The following HHIP variants were observed in gnomAD, a reference collection of about 807,000 sequenced individuals.
The protein encoded by HHIP is hedgehog-interacting protein.
A neutral mutation model predicts 74.0 loss-of-function variants in HHIP; 12 were observed. That is an observed-to-expected ratio of 0.16 (90% CI 0.10 to 0.26). HHIP has a LOEUF of 0.26. Ranked by LOEUF, HHIP falls within the 10% of genes least tolerant of loss-of-function variation. The probability of loss-of-function intolerance (pLI) is 1.00; values close to 1 mark genes in which losing one functional copy is unlikely to be tolerated. For missense variants in HHIP, 788 were observed against 845.0 expected, an observed-to-expected ratio of 0.93 and a Z score of 0.84; for synonymous variants, 309 against 311.6, an observed-to-expected ratio of 0.99 and a Z score of 0.09.
intron 2 of HHIP, among the ~76,000 whole-genome samples, chr4:144,654,323 A>G (rs754573127): frequency 6.6e-6 from 1 of 152,174 alleles, no homozygotes; most frequent in African/African-American, 2.4e-5. Flanking sequence ...TTTTTCTACA[A>G]AGTTTGTATA....
rs1293814234 is a variant in HHIP at position 144,739,494 on chromosome 4, A to G, written c.*1537A>G. The G allele has an allele frequency of 2.0e-5, 3 of 152,212 alleles. No homozygotes were observed. Among genetic ancestry groups the G allele is most frequent in the Admixed American group, 6.5e-5 (1 of 15,278 alleles). 9.4% of individuals were successfully genotyped at this position (152,212 alleles called of 1,614,324 possible). A position where few individuals can be genotyped will look rare whatever the true frequency, so the allele number is the denominator to read the frequency against. On this transcript the variant is annotated 3_prime_UTR_variant, in exon 13 of 13. Coordinates refer to ENST00000296575, the MANE Select transcript of HHIP (RefSeq NM_022475.3). ...GAATACAAGCCTCAATTTAAAAAAT[A>G]TATTGTAGCTAGTATTTCTCTATTG...
chr4:144,715,600 T>G, intron 10 of HHIP, 170 bp downstream of exon 10: 7 of 444,358 alleles, frequency 1.6e-5, no homozygotes, highest in Non-Finnish European at 2.6e-5. Context: ...ACATATTCTC[T>G]ACCAGTAACT....
In HHIP at chr4:144,659,771, C is replaced by G. The variant is rs200791041; in HGVS notation, c.764C>G (p.Thr255Ser). Residue 255 changes from threonine (T) to serine (S), a missense_variant, in exon 4 of 13, where the codon ACC becomes AGC. Around this residue, in one of 3 missense-constraint regions of HHIP, gnomAD observed 373 missense variants for 366.4 expected, o/e 1.02. Transcript: ENST00000296575. Reference sequence around the variant, plus strand: ...AAAGAAGGTTATGTGAAGATACTTACCCCTGAAGGAGAAATTTTCAAGGAG... The same window carrying G: ...AAAGAAGGTTATGTGAAGATACTTAGCCCTGAAGGAGAAATTTTCAAGGAG... ...LEKEGYVKIL[T>S]PEGEIFKEPY... 2 of 1,612,814 alleles carry G rather than the reference C, an allele frequency of 1.2e-6. No individual in the cohort carries two copies. The highest frequency in any genetic ancestry group is 2.2e-5 in the South Asian group (2 of 90,686).
intron 4 of HHIP, among the ~76,000 whole-genome samples, chr4:144,680,004 TA>T (rs1165102000): frequency 6.6e-6 from 1 of 152,202 alleles, no homozygotes; most frequent in Admixed American, 6.5e-5. Context: ...GATTTTAAAT[TA>T]GTCATTTGTT....
chr4:144,661,760 A>G (rs1728719813), intron 4 of HHIP, among the ~76,000 whole-genome samples: 1 of 152,208 alleles, frequency 6.6e-6, no homozygotes, highest in African/African-American at 2.4e-5. Context: ...TGGCTTCTTT[A>G]ATATATGAAA....
At chr4:144,711,862 A>G (rs1295590869) in intron 7 of HHIP, 88 bp from the exon 8 acceptor site, 3 of 1,345,910 alleles carry the variant, frequency 2.2e-6, no homozygotes, top group East Asian at 2.3e-5. Flanking sequence ...CCAGTCCACA[A>G]AGGGCTCCTT....
chr4:144,672,167 GC>G (rs1387964721), intron 4 of HHIP, among the ~76,000 whole-genome samples: 1 of 152,204 alleles, frequency 6.6e-6, no homozygotes, highest in East Asian at 1.9e-4. Context: ...GACATACTTT[GC>G]TTTATTTTGA....
intron 2 of HHIP, 51 bp from the exon 3 acceptor site, chr4:144,658,739 T>C: frequency 6.8e-7 from 1 of 1,468,074 alleles, no homozygotes; most frequent in South Asian, 1.3e-5. Context: ...AATAAGGTGG[T>C]TTTACTATGA....
At chr4:144,705,769 T>C (rs1730116685) in intron 4 of HHIP, among the ~76,000 whole-genome samples, 1 of 152,224 alleles carries the variant, frequency 6.6e-6, no homozygotes, top group African/African-American at 2.4e-5. Context: ...TTGACATTCA[T>C]ATAATAACAC....
chr4:144,742,653 T>G lies in HHIP; in HGVS notation c.*4696T>G, dbSNP rs1731285700. On this transcript the variant is annotated 3_prime_UTR_variant, in exon 13 of 13. Transcript: ENST00000296575. ...GACCAAAGTCCCATGGCAGAAAATG[T>G]ACATATTTTTAAACTACTCCCAGGA... 6.6e-6 allele frequency: 1 copy of G among 151,570 alleles called. No individual in the cohort carries two copies. The highest frequency in any genetic ancestry group is 1.5e-5 in the Non-Finnish European group (1 of 67,876). The allele number at this position is 151,570 out of a possible 1,614,324, so 9.4% of individuals were successfully genotyped here.
chr4:144,711,614 GA>G (rs1730307532), intron 7 of HHIP, among the ~76,000 whole-genome samples: 1 of 152,048 alleles, frequency 6.6e-6, no homozygotes, highest in South Asian at 2.1e-4. Flanking sequence ...CCTGGATGGT[GA>G]CACCGATTCT....
chr4:144,709,581 A>C (rs1730233260), intron 7 of HHIP, among the ~76,000 whole-genome samples: 1 of 152,170 alleles, frequency 6.6e-6, no homozygotes, highest in Non-Finnish European at 1.5e-5. Context: ...CCTCCCTCCA[A>C]AAGTATTCTA....
intron 3 of HHIP, 107 bp downstream of exon 3, chr4:144,659,053 C>A: frequency 1.2e-6 from 1 of 811,336 alleles, no homozygotes; most frequent in South Asian, 2.5e-5. Context: ...GCAGCTATAT[C>A]CTCCAGATGC....
intron 4 of HHIP, among the ~76,000 whole-genome samples, chr4:144,669,074 T>G (rs1728961919): frequency 6.6e-6 from 1 of 151,648 alleles, no homozygotes; most frequent in Non-Finnish European, 1.5e-5. Flanking sequence ...TTTCAATTAC[T>G]ACATTTTAAG....
chr4:144,717,453 C>T (rs982659088), intron 10 of HHIP, among the ~76,000 whole-genome samples: 6 of 152,006 alleles, frequency 3.9e-5, no homozygotes, highest in African/African-American at 1.5e-4. Flanking sequence ...AGAAAAGTAG[C>T]AGGGTGTGTT....
rs749623160 is a variant in HHIP, at chr4:144,715,393, T to C, written c.1641T>C (p.Phe547=). Residue 547 remains phenylalanine, a synonymous_variant, in exon 10 of 13, where the codon TTT becomes TTC. Coordinates refer to ENST00000296575, the MANE Select transcript of HHIP (RefSeq NM_022475.3). The part of the protein sequence containing the change: ...LGTSGSCRGY[F]SGHILGFGED... ...CTAGTGGGTCCTGTAGAGGCTACTT[T>C]TCCGGTCACATCTTGGGATTTGGAG... 9.9e-6 allele frequency: 16 copies of C among 1,613,414 alleles called. No homozygotes were observed. The highest frequency in any genetic ancestry group is 1.4e-5 in the Non-Finnish European group (16 of 1,179,564).
intron 4 of HHIP, among the ~76,000 whole-genome samples, chr4:144,691,798 C>T (rs1197220230): frequency 6.6e-6 from 1 of 151,876 alleles, no homozygotes; most frequent in East Asian, 1.9e-4. Context: ...CTCCAAAGCC[C>T]TCACTCTAAA....
At position 144,646,612 on chromosome 4, in the gene HHIP, C is replaced by T; in HGVS notation, c.-64C>T. ...CCTCCTGGAGCTGCGCCCTAGTGCC[C>T]CTGCTGGGCAGTGGCGTTCCCCCCC... is the stretch of plus-strand genomic sequence containing the variant. On this transcript the variant is annotated 5_prime_UTR_variant, in exon 1 of 13. Coordinates refer to ENST00000296575, the MANE Select transcript of HHIP (RefSeq NM_022475.3). The T allele has an allele frequency of 6.6e-7, 1 of 1,526,558 alleles. No individual in the cohort carries two copies. The highest frequency in any genetic ancestry group is 8.9e-7 in the Non-Finnish European group (1 of 1,123,396). 94.6% of individuals were successfully genotyped at this position (1,526,558 alleles called of 1,614,324 possible). A position where few individuals can be genotyped will look rare whatever the true frequency, so the allele number is the denominator to read the frequency against.
intron 11 of HHIP, among the ~76,000 whole-genome samples, chr4:144,729,146 T>C (rs964378234): frequency 2.0e-5 from 3 of 152,170 alleles, no homozygotes; most frequent in Non-Finnish European, 4.4e-5. Flanking sequence ...CTTATTCCTA[T>C]TCGTAAAGCT....
Sources: gnomAD v4.1 joint callset for allele counts (sites outside exome capture counted in the v4.1 genomes callset) on GRCh38, gnomAD v4.1.1 for gene constraint, gnomAD v4.1.1 regional missense constraint, MANE v1.5 for transcripts, NCBI Gene and HGNC (gene_info 2026-07-23, HGNC 2026-07-21) for gene names.